NAV3: variants seen among roughly 807,000 people sequenced by gnomAD.
The protein encoded by NAV3 is neuron navigator 3, also known as pore membrane and/or filament interacting like protein 1.
Under a neutral mutation model 244.7 loss-of-function variants are expected in NAV3, and 87 were observed. That is an observed-to-expected ratio of 0.36 (90% confidence interval 0.30 to 0.42). The LOEUF (loss-of-function observed/expected upper bound fraction) is 0.42. Ranked by LOEUF, NAV3 falls within the 20% of genes least tolerant of loss-of-function variation. The probability of loss-of-function intolerance (pLI) is 1.00; values close to 1 mark genes in which losing one functional copy is unlikely to be tolerated. For missense variants in NAV3, 2,663 were observed against 2,893.3 expected (o/e 0.92, Z 1.83); for synonymous variants, 1,126 against 1,042.2 (o/e 1.08, Z -1.55).
At position 78,168,875 on chromosome 12, in the gene NAV3, A is replaced by G. The variant is rs960689482; in HGVS notation, c.4981+9A>G. The G allele has an allele frequency of 1.3e-6, 2 of 1,562,860 alleles. No homozygotes were observed. Among genetic ancestry groups the G allele is most frequent in the Admixed American group, 1.9e-5 (1 of 52,650 alleles). On this transcript the variant is annotated intron_variant, in intron 24 of 39. Coordinates refer to ENST00000397909, the MANE Select transcript of NAV3 (RefSeq NM_001024383.2). ...AGACCATCCTCCCAAAGGTATATTT[A>G]GAAATCATTTCATTTCCACCCAATA...
intron 3 of NAV3, among the ~76,000 whole-genome samples, chr12:77,959,544 G>T (rs1015474718): frequency 3.3e-5 from 5 of 151,930 alleles, no homozygotes; most frequent in African/African-American, 4.8e-5. Flanking sequence ...ACATTGTATT[G>T]TGCTAAGTGT....
chr12:78,028,330 T>A (rs1429485943), intron 9 of NAV3, among the ~76,000 whole-genome samples: 1 of 152,180 alleles, frequency 6.6e-6, no homozygotes, highest in Non-Finnish European at 1.5e-5. Context: ...GTTGTGGAAA[T>A]TTAAGAAAAT....
chr12:78,151,374 C>A (rs1378429368), intron 22 of NAV3, among the ~76,000 whole-genome samples: 2 of 151,914 alleles, frequency 1.3e-5, no homozygotes, highest in Admixed American at 1.3e-4. Context: ...AGAAAGGAAA[C>A]AACCAAAAAT....
intron 3 of NAV3, among the ~76,000 whole-genome samples, chr12:77,949,897 T>C (rs1040892803): frequency 1.3e-5 from 2 of 152,092 alleles, no homozygotes; most frequent in African/African-American, 2.4e-5. Context: ...TAGAATGTTA[T>C]ATTGTTGGAG....
At chr12:78,111,587 A>G (rs1955095133) in intron 12 of NAV3, among the ~76,000 whole-genome samples, 2 of 152,188 alleles carry the variant, frequency 1.3e-5, no homozygotes, top group South Asian at 4.1e-4. Flanking sequence ...GCTTTTACAG[A>G]GACTGACAAT....
chr12:77,584,992 A>G (rs1002824966), intron 2 of NAV3, among the ~76,000 whole-genome samples: 2 of 152,176 alleles, frequency 1.3e-5, no homozygotes, highest in Non-Finnish European at 1.5e-5. Context: ...GGATGATACA[A>G]CTGAAAGTAG....
At chr12:77,766,735 G>GTTTTTTTGT (rs1869780244) in intron 2 of NAV3, among the ~76,000 whole-genome samples, 1 of 60,516 alleles carries the variant, frequency 1.7e-5, no homozygotes, top group Non-Finnish European at 3.0e-5. Context: ...AGGCAATTAA[G>GTTTTTTTGT]TTTTTTTTTT....
intron 3 of NAV3, among the ~76,000 whole-genome samples, chr12:77,964,140 C>G (rs1892311378): frequency 6.6e-6 from 1 of 151,908 alleles, no homozygotes; most frequent in East Asian, 1.9e-4. Context: ...AGAGTTGTGT[C>G]TAACACTCAA....
chr12:78,184,217 T>C (rs1422162052), intron 30 of NAV3, among the ~76,000 whole-genome samples: 1 of 151,914 alleles, frequency 6.6e-6, no homozygotes, highest in African/African-American at 2.4e-5. Context: ...GCAAAATTTC[T>C]GATACCATTT....
At chr12:78,115,350 A>G (rs993424004) in intron 12 of NAV3, among the ~76,000 whole-genome samples, 4 of 152,186 alleles carry the variant, frequency 2.6e-5, no homozygotes, top group African/African-American at 4.8e-5. Context: ...GTTTATTCTC[A>G]TGCTACTAAT....
At position 78,006,765 on chromosome 12, in the gene NAV3, T is replaced by C. The variant is rs1466936762; in HGVS notation, c.1227T>C (p.Asp409=). 3.1e-6 allele frequency: 5 copies of C among 1,613,988 alleles called. No homozygotes were observed. Among genetic ancestry groups the C allele is most frequent in the Admixed American group, 1.7e-5 (1 of 59,998 alleles). ...AGCCTCCCAGTTCAGGACCTAGTGA[T>C]GGTGGGAAGGATGATGATGCCTTTT... The part of the protein sequence containing the change: ...PPQPPSSGPS[D]GGKDDDAFSE... Residue 409 remains aspartate (D), a synonymous_variant, in exon 8 of 40, where the codon GAT becomes GAC. Coordinates refer to ENST00000397909, the MANE Select transcript of NAV3 (RefSeq NM_001024383.2).
intron 1 of NAV3, among the ~76,000 whole-genome samples, chr12:77,896,432 G>C (rs1194973918): frequency 6.6e-6 from 1 of 152,154 alleles, no homozygotes; most frequent in Non-Finnish European, 1.5e-5. Flanking sequence ...ACTAGAAATT[G>C]AGAGGTGGAT....
chr12:77,908,232 A>G (rs1486684927), intron 1 of NAV3, among the ~76,000 whole-genome samples: 2 of 152,102 alleles, frequency 1.3e-5, no homozygotes, highest in Non-Finnish European at 2.9e-5. Context: ...TACTAATTAC[A>G]TATTGGAAAA....
intron 1 of NAV3, among the ~76,000 whole-genome samples, chr12:77,913,387 C>T (rs1886807886): frequency 6.6e-6 from 1 of 151,800 alleles, no homozygotes; most frequent in Admixed American, 6.6e-5. Flanking sequence ...CTCCATAATC[C>T]AGTCATCATA....
intron 1 of NAV3, among the ~76,000 whole-genome samples, chr12:77,859,964 C>T (rs527403602): frequency 6.6e-6 from 1 of 151,870 alleles, no homozygotes; most frequent in African/African-American, 2.4e-5. Context: ...GTTGCATCAA[C>T]TTCTGGTAGT....
chr12:77,823,069 G>C (rs1326195090), intron 2 of NAV3, among the ~76,000 whole-genome samples: 2 of 152,152 alleles, frequency 1.3e-5, no homozygotes, highest in South Asian at 2.1e-4. Flanking sequence ...TGAAAGAAGG[G>C]TAATCAAAGG....
At chr12:77,802,937 G>A (rs886852011) in intron 2 of NAV3, among the ~76,000 whole-genome samples, 6 of 152,238 alleles carry the variant, frequency 3.9e-5, no homozygotes, top group African/African-American at 1.4e-4. Flanking sequence ...AAAGTGCTGG[G>A]ATTACAGGTG....
chr12:77,953,597 C>T (rs149386127), intron 3 of NAV3, among the ~76,000 whole-genome samples: 92 of 152,248 alleles, frequency 6.0e-4, no homozygotes, highest in African/African-American at 2.0e-3. Context: ...AGAGCAAAAC[C>T]CAATTACTGT....
At chr12:77,687,176 C>T (rs759761521) in intron 2 of NAV3, among the ~76,000 whole-genome samples, 12 of 151,982 alleles carry the variant, frequency 7.9e-5, no homozygotes, top group Non-Finnish European at 1.3e-4. Context: ...ACTATCAGCC[C>T]GGAAAACTGT....
Sources: gnomAD v4.1 joint callset for allele counts (sites outside exome capture counted in the v4.1 genomes callset) on GRCh38, gnomAD v4.1.1 for gene constraint, MANE v1.5 for transcripts, NCBI Gene and HGNC (gene_info 2026-07-23, HGNC 2026-07-21) for gene names.